NEDD9: variants seen among roughly 807,000 people sequenced by gnomAD.
NEDD9 encodes the protein neural precursor cell expressed, developmentally down-regulated 9.
NEDD9 carries 26 observed loss-of-function variants against 76.6 expected under a neutral mutation model. That is an observed-to-expected ratio of 0.34 (90% CI 0.25 to 0.47). The LOEUF (loss-of-function observed/expected upper bound fraction) is 0.47. Among genes scored for constraint, NEDD9 ranks in the 20% least tolerant of loss-of-function variants. The pLI is 1.00. For missense variants in NEDD9, 937 were observed against 1,058.5 expected, an observed-to-expected ratio of 0.89 and a Z score of 1.59; for synonymous variants, 392 against 414.2, an observed-to-expected ratio of 0.95 and a Z score of 0.65.
At chr6:11,251,269 G>A (rs567911401) in intron 3 of NEDD9, 2 of 152,162 alleles carry the variant, frequency 1.3e-5, no homozygotes, top group African/African-American at 2.4e-5. Flanking sequence ...TCGGGGTGGT[G>A]GCTGTTTTGA....
At chr6:11,202,595 T>C (rs1299722664) in intron 2 of NEDD9, among the ~76,000 whole-genome samples, 1 of 152,258 alleles carries the variant, frequency 6.6e-6, no homozygotes, top group Non-Finnish European at 1.5e-5. Flanking sequence ...ACATGTTGCC[T>C]ACCCTGGATT....
intron 1 of NEDD9, among the ~76,000 whole-genome samples, chr6:11,348,131 C>T (rs1181641962): frequency 6.6e-6 from 1 of 152,144 alleles, no homozygotes; most frequent in African/African-American, 2.4e-5. Flanking sequence ...ACGAGCATTC[C>T]TATACACCAA....
At chr6:11,326,047 G>A (rs776784676) in intron 2 of NEDD9, among the ~76,000 whole-genome samples, 1 of 151,792 alleles carries the variant, frequency 6.6e-6, no homozygotes, top group Non-Finnish European at 1.5e-5. Context: ...TTGGGAGGTT[G>A]AGGCAGGAGA....
intron 2 of NEDD9, among the ~76,000 whole-genome samples, chr6:11,306,347 C>T (rs1761183816): frequency 6.6e-6 from 1 of 152,190 alleles, no homozygotes; most frequent in South Asian, 2.1e-4. Flanking sequence ...TTAGTTGGAA[C>T]TTCAAAGACA....
Position 11,183,994 on chromosome 6 carries a change from T to C in NEDD9, c.*1168A>G, listed in dbSNP as rs1264511489. 6.6e-6 allele frequency: 1 copy of C among 152,230 alleles called. No homozygotes were observed. The highest frequency in any genetic ancestry group is 2.4e-5 in the African/African-American group (1 of 41,446). 9.4% of individuals were successfully genotyped at this position (152,230 alleles called of 1,614,324 possible). The stretch of plus-strand genomic sequence containing the variant: ...ATGGACGCTGTGACTATCTGTGAGA[T>C]AGTGGAAGGGGTTATACACACTGGC... On this transcript the variant is annotated 3_prime_UTR_variant, in exon 7 of 7. Coordinates refer to ENST00000379446, the MANE Select transcript of NEDD9 (RefSeq NM_006403.4).
intron 2 of NEDD9, among the ~76,000 whole-genome samples, chr6:11,320,994 TACCTCTTAAGAGGTTAAAAAAAAA>T (rs1385353577): frequency 6.6e-6 from 1 of 151,392 alleles, no homozygotes; most frequent in Non-Finnish European, 1.5e-5. Context: ...TTTAACCATA[TACCTCTTAAGAGGTTAAAAAAAAA>T]ACCTGTTGAA....
intron 1 of NEDD9, among the ~76,000 whole-genome samples, chr6:11,358,697 C>T (rs2113548490): frequency 6.6e-6 from 1 of 152,202 alleles, no homozygotes; most frequent in East Asian, 1.9e-4. Flanking sequence ...TTAATAATTG[C>T]CTCTTGATTT....
At chr6:11,188,857 A>T (rs2113714125) in intron 5 of NEDD9, among the ~76,000 whole-genome samples, 1 of 152,218 alleles carries the variant, frequency 6.6e-6, no homozygotes, top group South Asian at 2.1e-4. Flanking sequence ...ATAGTTACGT[A>T]GTTCTCAGTA....
At chr6:11,357,217 C>T (rs1274931442) in intron 1 of NEDD9, among the ~76,000 whole-genome samples, 3 of 152,276 alleles carry the variant, frequency 2.0e-5, no homozygotes, top group South Asian at 4.1e-4. Flanking sequence ...TGCTCTAACC[C>T]TTTACTCCTG....
chr6:11,259,295 G>A (rs1414374998), intron 3 of NEDD9, among the ~76,000 whole-genome samples: 1 of 152,158 alleles, frequency 6.6e-6, no homozygotes, highest in Non-Finnish European at 1.5e-5. Context: ...AAGACCTTTC[G>A]CTTCCAAAGG....
chr6:11,304,957 A>T lies in NEDD9; in HGVS notation c.12+1035T>A, dbSNP rs182426759. 235 of 648,320 alleles carry T rather than the reference A, an allele frequency of 3.6e-4. 1 individual carries two copies. The highest frequency in any genetic ancestry group is 1.9e-3 in the East Asian group (29 of 15,074). The allele number at this position is 648,320 out of a possible 1,614,324, so 40.2% of individuals were successfully genotyped here. The stretch of plus-strand genomic sequence containing the variant: ...GTACCCTAGAACTTAAAATATAATT[A>T]AAAAAACCCACAGTGATATGACAAT... On this transcript the variant is annotated intron_variant, in intron 3 of 3. Coordinates refer to the NEDD9 transcript ENST00000397378.
chr6:11,188,986 G>A lies in NEDD9; in HGVS notation c.1906-679C>T, dbSNP rs11966763. ...TTCTGAGACAGAGTCTCGCTCTGTC[G>A]CCCAGGCTGGAGTCCAGTGGCACGA... On this transcript the variant is annotated intron_variant, in intron 5 of 6. Coordinates refer to ENST00000379446, the MANE Select transcript of NEDD9 (RefSeq NM_006403.4). Among the ~76,000 whole-genome samples the A allele has an allele frequency of 7.6e-3, 1,108 of 145,862 alleles. 16 individuals carry two copies. The highest frequency in any genetic ancestry group is 0.026 in the African/African-American group (1,024 of 39,340).
At chr6:11,265,000 G>A (rs1760178231) in intron 3 of NEDD9, among the ~76,000 whole-genome samples, 4 of 152,202 alleles carry the variant, frequency 2.6e-5, no homozygotes, top group Admixed American at 1.3e-4. Context: ...CTCCCAGCCA[G>A]CTCTATAGGT....
chr6:11,348,752 A>T (rs1762409277), intron 1 of NEDD9, among the ~76,000 whole-genome samples: 1 of 152,334 alleles, frequency 6.6e-6, no homozygotes, highest in South Asian at 2.1e-4. Context: ...TCCCTTCCTT[A>T]TACTATATAC....
chr6:11,258,232 A>C (rs1760042581), intron 3 of NEDD9, among the ~76,000 whole-genome samples: 2 of 152,132 alleles, frequency 1.3e-5, no homozygotes, highest in African/African-American at 4.8e-5. Flanking sequence ...TCAGTTATGG[A>C]TGTTCTGAGC....
intron 3 of NEDD9, among the ~76,000 whole-genome samples, chr6:11,239,237 G>A (rs945156611): frequency 7.2e-5 from 11 of 152,184 alleles, no homozygotes; most frequent in Admixed American, 7.2e-4. Context: ...ACACCATTTA[G>A]TGCTTGGTAT....
intron 2 of NEDD9, among the ~76,000 whole-genome samples, chr6:11,205,761 G>T (rs765099105): frequency 6.6e-6 from 1 of 152,030 alleles, no homozygotes; most frequent in Non-Finnish European, 1.5e-5. Context: ...GAAGTAACTC[G>T]GATTAACAGG....
chr6:11,199,238 A>G (rs1016607666), intron 2 of NEDD9: 5 of 152,218 alleles, frequency 3.3e-5, no homozygotes, highest in Non-Finnish European at 7.3e-5. Context: ...CCATGGCCCC[A>G]CTGGGTCTTT....
In NEDD9 at chr6:11,203,081, TTTAG is replaced by T. The variant is rs528060501; in HGVS notation, c.460-9393_460-9390del. Reference sequence around the variant, plus strand: ...TTGTGTAGCCAGTGCTAAAGCAATATTTAGTTATAGAGTGACCAAGCACCAGCGA... The same window carrying T: ...TTGTGTAGCCAGTGCTAAAGCAATATTTATAGAGTGACCAAGCACCAGCGA... On this transcript the variant is annotated intron_variant, in intron 2 of 6. Coordinates refer to ENST00000379446, the MANE Select transcript of NEDD9 (RefSeq NM_006403.4). 2.2e-3 allele frequency among the ~76,000 whole-genome samples: 340 copies of T among 152,310 alleles called. 1 individual carries two copies. Among genetic ancestry groups the T allele is most frequent in the African/African-American group, 7.7e-3 (321 of 41,556 alleles).
Sources: allele counts gnomAD v4.1 joint callset (sites outside exome capture counted in the v4.1 genomes callset), GRCh38; gene constraint gnomAD v4.1.1; transcripts MANE v1.5; gene names NCBI Gene and HGNC (gene_info 2026-07-23, HGNC 2026-07-21).